The following ST3GAL5 variants were observed in gnomAD, a reference collection of about 807,000 sequenced individuals.
ST3GAL5 encodes the protein ST3 beta-galactoside alpha-2,3-sialyltransferase 5.
ST3GAL5 carries 25 observed loss-of-function variants against 46.1 expected under a neutral mutation model. That is an observed-to-expected ratio of 0.54 (90% CI 0.40 to 0.76). ST3GAL5 has a LOEUF of 0.76. Among genes scored for constraint, ST3GAL5 ranks in the 30% least tolerant of loss-of-function variants. The probability of loss-of-function intolerance (pLI) is 0.00; values close to 1 mark genes in which losing one functional copy is unlikely to be tolerated. For synonymous variants in ST3GAL5, 182 were observed against 192.7 expected (o/e 0.94, Z 0.46); for missense variants, 431 against 521.2 (o/e 0.83, Z 1.69).
At chr2:85,844,754 C>T (rs191668071) in intron 5 of ST3GAL5, 200 bp from the exon 6 acceptor site, 135 of 659,506 alleles carry the variant, frequency 2.0e-4, no homozygotes, top group Non-Finnish European at 1.1e-4. Flanking sequence ...ATAGCCACTT[C>T]ACACAGGCGG....
intron 3 of ST3GAL5, among the ~76,000 whole-genome samples, chr2:85,857,536 CAAAA>C (rs369873432): frequency 2.7e-5 from 2 of 73,382 alleles, no homozygotes; most frequent in Admixed American, 1.4e-4. Context: ...GACTCCGTCT[CAAAA>C]AAAAAAAAAA....
chr2:85,885,591 G>A (rs977977955), intron 1 of ST3GAL5, among the ~76,000 whole-genome samples: 5 of 152,136 alleles, frequency 3.3e-5, no homozygotes, highest in African/African-American at 4.8e-5. Context: ...CACTTTGGGA[G>A]GCCGAGGTGG....
intron 1 of ST3GAL5, among the ~76,000 whole-genome samples, chr2:85,882,860 C>T (rs989092026): frequency 6.9e-6 from 1 of 144,414 alleles, no homozygotes; most frequent in African/African-American, 2.5e-5. Flanking sequence ...TTGACTGCTC[C>T]ACTGGATTTC....
intron 1 of ST3GAL5, among the ~76,000 whole-genome samples, chr2:85,869,457 C>A (rs1357292841): frequency 6.6e-6 from 1 of 151,432 alleles, no homozygotes. Flanking sequence ...ACTATTTTCA[C>A]TTAGGGAGGA....
chr2:85,888,138 G>A (rs1341535584), intron 1 of ST3GAL5: 1 of 152,204 alleles, frequency 6.6e-6, no homozygotes, highest in African/African-American at 2.4e-5. Flanking sequence ...AGCCCCACAG[G>A]GGGATCAGTG....
intron 6 of ST3GAL5, among the ~76,000 whole-genome samples, chr2:85,841,357 C>T (rs1386542860): frequency 2.0e-5 from 3 of 151,614 alleles, no homozygotes; most frequent in Non-Finnish European, 2.9e-5. Flanking sequence ...GAGACAGCAT[C>T]GGTCTCACTC....
At chr2:85,846,278 T>C in intron 5 of ST3GAL5, 99 bp downstream of exon 5, 1 of 1,091,520 alleles carries the variant, frequency 9.2e-7, no homozygotes. Flanking sequence ...AAGTATGCAT[T>C]CCGCTCTGCG....
intron 1 of ST3GAL5, among the ~76,000 whole-genome samples, chr2:85,884,579 C>T (rs1011671224): frequency 6.6e-6 from 1 of 152,142 alleles, no homozygotes; most frequent in Non-Finnish European, 1.5e-5. Context: ...TCCTGGGTGA[C>T]AACAACTGGA....
chr2:85,846,805 A>G (rs1194647065), intron 4 of ST3GAL5: 1 of 506,078 alleles, frequency 2.0e-6, no homozygotes, highest in African/African-American at 1.9e-5. Flanking sequence ...TCTAGCCCTA[A>G]TATTTTTACT....
intron 1 of ST3GAL5, among the ~76,000 whole-genome samples, chr2:85,882,020 C>T (rs1207901636): frequency 6.6e-6 from 1 of 152,216 alleles, no homozygotes; most frequent in Non-Finnish European, 1.5e-5. Context: ...GGACTTAGTG[C>T]CCTGTGTCCC....
At chr2:85,840,616 G>C in intron 6 of ST3GAL5, 2 of 579,134 alleles carry the variant, frequency 3.5e-6, no homozygotes, top group South Asian at 1.9e-5. Flanking sequence ...CACTTTCAAG[G>C]GGCAGCCTGA....
intron 1 of ST3GAL5, 199 bp downstream of exon 1, chr2:85,888,625 C>T (rs1688043989): frequency 6.4e-6 from 2 of 314,434 alleles, no homozygotes; most frequent in Non-Finnish European, 1.1e-5. Flanking sequence ...GGACCCCCCG[C>T]CCGGTCCACA....
intron 5 of ST3GAL5, 104 bp downstream of exon 5, chr2:85,846,273 T>C: frequency 1.0e-6 from 1 of 995,462 alleles, no homozygotes; most frequent in Non-Finnish European, 1.6e-6. Context: ...CACATAAGTA[T>C]GCATTCCGCT....
At chr2:85,857,523 T>G (rs1455165418) in intron 3 of ST3GAL5, among the ~76,000 whole-genome samples, 4 of 126,880 alleles carry the variant, frequency 3.2e-5, no homozygotes, top group South Asian at 2.4e-4. Context: ...GGAGACAGAG[T>G]GAGACTCCGT....
At chr2:85,874,881 C>A (rs980309329) in intron 1 of ST3GAL5, among the ~76,000 whole-genome samples, 4 of 151,628 alleles carry the variant, frequency 2.6e-5, no homozygotes, top group Admixed American at 2.6e-4. Context: ...TTCCAGGTGT[C>A]CAAGTATCAT....
rs570214129 is a variant in ST3GAL5 at position 85,883,638 on chromosome 2, C to T, written c.82+5186G>A. 3.3e-5 allele frequency among the ~76,000 whole-genome samples: 5 copies of T among 152,242 alleles called. No individual in the cohort carries two copies. The East Asian group carries it at 5.8e-4, about 18-fold the overall frequency. On this transcript the variant is annotated intron_variant, in intron 1 of 6. Coordinates refer to ENST00000638572, the MANE Select transcript of ST3GAL5 (RefSeq NM_003896.4). ...ACGGATGGCAGAATGTCAAGTGCAG[C>T]GTGCCTAAAGAACGCCAAGTGCAGT...
intron 3 of ST3GAL5, among the ~76,000 whole-genome samples, chr2:85,852,520 T>C (rs1005478218): frequency 1.3e-5 from 2 of 151,574 alleles, no homozygotes; most frequent in African/African-American, 2.4e-5. Flanking sequence ...AACCAAGTCA[T>C]GGAAATAACA....
intron 1 of ST3GAL5, among the ~76,000 whole-genome samples, chr2:85,882,435 C>T (rs1369756566): frequency 6.6e-6 from 1 of 152,202 alleles, no homozygotes; most frequent in Non-Finnish European, 1.5e-5. Flanking sequence ...AGGGCGTAAC[C>T]TGCAAAGCCA....
chr2:85,843,835 C>A (rs914431049), intron 6 of ST3GAL5, among the ~76,000 whole-genome samples: 1 of 152,156 alleles, frequency 6.6e-6, no homozygotes, highest in Non-Finnish European at 1.5e-5. Context: ...AAATAAAAAT[C>A]GTCCACGGAA....
Sources: allele counts gnomAD v4.1 joint callset (sites outside exome capture counted in the v4.1 genomes callset), GRCh38; gene constraint gnomAD v4.1.1; transcripts MANE v1.5; gene names NCBI Gene and HGNC (gene_info 2026-07-23, HGNC 2026-07-21).